Variants in SEPTIN7 observed in about 807,000 individuals in gnomAD.
The protein encoded by SEPTIN7 is septin 7, also known as septin-7.
In SEPTIN7, 10 loss-of-function variants were observed where a neutral mutation model predicts 63.3. The ratio of observed to expected loss-of-function variants is 0.16; its 90% CI spans 0.10 to 0.27. SEPTIN7 has a LOEUF of 0.27. Among genes scored for constraint, SEPTIN7 ranks in the 10% least tolerant of loss-of-function variants. The pLI is 1.00. For synonymous variants in SEPTIN7, 131 were observed against 165.3 expected, an observed-to-expected ratio of 0.79 and a Z score of 1.59; for missense variants, 310 against 521.0, an observed-to-expected ratio of 0.59 and a Z score of 3.94.
chr7:35,891,839 AAC>A (rs1201074014), intron 11 of SEPTIN7, among the ~76,000 whole-genome samples: 1 of 152,224 alleles, frequency 6.6e-6, no homozygotes, highest in African/African-American at 2.4e-5. Flanking sequence ...CTTAGCTTAA[AAC>A]ACAAACACAT....
intron 1 of SEPTIN7, among the ~76,000 whole-genome samples, chr7:35,801,587 C>T (rs924272685): frequency 2.0e-5 from 3 of 152,102 alleles, no homozygotes; most frequent in African/African-American, 7.2e-5. Flanking sequence ...TGGTCTCAGC[C>T]CTGCCCTTGC....
chr7:35,858,681 CTTTT>C (rs376678701), intron 3 of SEPTIN7, among the ~76,000 whole-genome samples: 3 of 127,294 alleles, frequency 2.4e-5, no homozygotes, highest in Admixed American at 8.1e-5. Flanking sequence ...TTTTCTTTTT[CTTTT>C]TTTTTTTTTT....
chr7:35,810,984 G>A (rs1788668893), intron 1 of SEPTIN7, among the ~76,000 whole-genome samples: 1 of 151,454 alleles, frequency 6.6e-6, no homozygotes, highest in African/African-American at 2.4e-5. Flanking sequence ...GGCCAGACTG[G>A]TATCGAACTC....
intron 1 of SEPTIN7, among the ~76,000 whole-genome samples, chr7:35,829,011 A>G (rs1260120601): frequency 6.6e-6 from 1 of 151,154 alleles, no homozygotes; most frequent in Non-Finnish European, 1.5e-5. Flanking sequence ...TAACATCCAT[A>G]TACTTCCTAC....
At chr7:35,913,920 G>T in the SEPTIN7 span, among the ~76,000 whole-genome samples, 9 of 152,148 alleles carry the variant, frequency 5.9e-5, no homozygotes, top group African/African-American at 1.2e-4. Flanking sequence ...CATTTTAAAA[G>T]AATTCAAGAA....
chr7:35,827,865 A>G (rs892881589), intron 1 of SEPTIN7, among the ~76,000 whole-genome samples: 7 of 152,218 alleles, frequency 4.6e-5, no homozygotes, highest in Admixed American at 1.3e-4. Flanking sequence ...CTGATAGGAC[A>G]CTTCTATACG....
intron 12 of SEPTIN7, chr7:35,902,840 CTT>C (rs34683813): frequency 0.13 from 42,329 of 316,684 alleles, 173 homozygotes; most frequent in Middle Eastern, 0.2. Flanking sequence ...AAGTTTGTTG[CTT>C]TTTTTTTTTT....
intron 5 of SEPTIN7, 43 bp from the exon 6 acceptor site, chr7:35,873,598 A>G (rs546863130): frequency 2.5e-5 from 40 of 1,575,514 alleles, no homozygotes; most frequent in Non-Finnish European, 2.2e-5. Flanking sequence ...CAGTTAATTC[A>G]TATGTAGAAT....
chr7:35,831,445 G>C (rs1334050200), intron 1 of SEPTIN7, 47 bp from the exon 2 acceptor site: 1 of 457,216 alleles, frequency 2.2e-6, no homozygotes, highest in Admixed American at 2.5e-5. Flanking sequence ...GATTTCTTCT[G>C]TTGGAATCTG....
chr7:35,902,107 G>A (rs1344328928), intron 12 of SEPTIN7: 1 of 150,944 alleles, frequency 6.6e-6, no homozygotes, highest in African/African-American at 2.4e-5. Flanking sequence ...TAACTCACCA[G>A]TGTAGTAAAA....
At chr7:35,865,646 A>G (rs1433460105) in intron 4 of SEPTIN7, among the ~76,000 whole-genome samples, 1 of 151,444 alleles carries the variant, frequency 6.6e-6, no homozygotes, top group Admixed American at 6.6e-5. Flanking sequence ...AAGGTATTTG[A>G]GTCTATTTTC....
At chr7:35,839,105 A>G (rs1397072909) in intron 3 of SEPTIN7, among the ~76,000 whole-genome samples, 2 of 152,200 alleles carry the variant, frequency 1.3e-5, no homozygotes, top group Non-Finnish European at 2.9e-5. Context: ...ACAAACTGCT[A>G]TTTTCTAGAA....
intron 11 of SEPTIN7, among the ~76,000 whole-genome samples, chr7:35,895,546 G>A (rs545359452): frequency 6.6e-6 from 1 of 152,238 alleles, no homozygotes; most frequent in Non-Finnish European, 1.5e-5. Context: ...TAATTGCACA[G>A]CATATTTATT....
chr7:35,842,429 A>C (rs1784453934), intron 3 of SEPTIN7, among the ~76,000 whole-genome samples: 1 of 151,718 alleles, frequency 6.6e-6, no homozygotes, highest in African/African-American at 2.4e-5. Flanking sequence ...CTGTTTTACT[A>C]TATAGGAGTA....
At chr7:35,845,308 CA>C (rs1429511419) in intron 3 of SEPTIN7, among the ~76,000 whole-genome samples, 2 of 151,628 alleles carry the variant, frequency 1.3e-5, no homozygotes, top group African/African-American at 4.9e-5. Flanking sequence ...TTTATTCGTG[CA>C]TTTTCATGAC....
intron 4 of SEPTIN7, among the ~76,000 whole-genome samples, chr7:35,868,191 C>A (rs1171143562): frequency 7.2e-5 from 11 of 152,120 alleles, no homozygotes; most frequent in African/African-American, 2.7e-4. Context: ...TTTTGTAAAT[C>A]AAACTCTGTA....
chr7:35,874,166 T>C (rs562529467), intron 6 of SEPTIN7: 1 of 157,328 alleles, frequency 6.4e-6, no homozygotes, highest in Admixed American at 6.5e-5. Context: ...ATTATAAGTT[T>C]CATAGAAATG....
intron 11 of SEPTIN7, among the ~76,000 whole-genome samples, chr7:35,896,840 G>A (rs940951374): frequency 9.2e-5 from 14 of 152,130 alleles, no homozygotes; most frequent in African/African-American, 3.1e-4. Context: ...TCTAATTTAC[G>A]CAATTGCGAA....
chr7:35,838,986 A>G (rs555429980), intron 3 of SEPTIN7, among the ~76,000 whole-genome samples: 5 of 152,302 alleles, frequency 3.3e-5, no homozygotes, highest in African/African-American at 7.2e-5. Context: ...TATAAATACT[A>G]CATTCTTGGA....
Sources: gnomAD v4.1 joint callset for allele counts (sites outside exome capture counted in the v4.1 genomes callset) on GRCh38, gnomAD v4.1.1 for gene constraint, MANE v1.5 for transcripts, NCBI Gene and HGNC (gene_info 2026-07-23, HGNC 2026-07-21) for gene names.